Variants in MAP3K19 observed in about 807,000 individuals in gnomAD.
The protein encoded by MAP3K19 is SPS1/STE20-related protein kinase YSK4.
In MAP3K19, 91 loss-of-function variants were observed where a neutral mutation model predicts 114.4. The ratio of observed to expected loss-of-function variants is 0.80; its 90% CI spans 0.67 to 0.95. The LOEUF is 0.95. Ranked by LOEUF, MAP3K19 falls within the 40% of genes least tolerant of loss-of-function variation. The pLI is 0.00. For synonymous variants in MAP3K19, 518 were observed against 530.5 expected, an observed-to-expected ratio of 0.98 and a Z score of 0.32; for missense variants, 1,471 against 1,573.2, an observed-to-expected ratio of 0.94 and a Z score of 1.10.
At chr2:134,996,271 C>CTTT (rs61265758) in intron 8 of MAP3K19, among the ~76,000 whole-genome samples, 13 of 125,776 alleles carry the variant, frequency 1.0e-4, no homozygotes, top group East Asian at 2.4e-4. Flanking sequence ...CTTCTTATTT[C>CTTT]TTTTTTTTTT....
At chr2:135,011,406 G>A (rs1265968915) in intron 5 of MAP3K19, among the ~76,000 whole-genome samples, 1 of 151,712 alleles carries the variant, frequency 6.6e-6, no homozygotes, top group Non-Finnish European at 1.5e-5. Flanking sequence ...GCGTAGTGGC[G>A]GGCCCCTGCA....
At position 134,987,602 on chromosome 2, in the gene MAP3K19, T is replaced by A. The variant is rs749244581; in HGVS notation, c.1270A>T (p.Lys424Ter). 10 of 1,614,006 alleles carry A rather than the reference T, an allele frequency of 6.2e-6. No individual in the cohort carries two copies. In the Admixed American group the frequency reaches 1.5e-4, roughly 24 times the overall value. ...TTGTTTGGTTCCATTGCTTCATTTT[T>A]ATGTAATGAAACTCTTTTTGAAGCA... is the stretch of plus-strand genomic sequence containing the variant. ...KAASKRVSLH[K>*]NEAMEPNNIL... Residue 424 changes from lysine to a stop codon, truncating the protein, a stop_gained, in exon 10 of 13, where the codon AAA becomes TAA. Coordinates refer to ENST00000392915, the MANE Select transcript of MAP3K19 (RefSeq NM_025052.5). LOFTEE classifies it high-confidence loss of function.
In MAP3K19 at chr2:134,991,591, A is replaced by C. The variant is rs1166158100; in HGVS notation, c.575-11T>G. ...GAGAGGTCGAAAACTCTACAACAAGAAAAACAATAACTGGATATTCTTAGT... is the reference window on the plus strand; with the variant it reads ...GAGAGGTCGAAAACTCTACAACAAGCAAAACAATAACTGGATATTCTTAGT... On this transcript the variant is annotated splice_polypyrimidine_tract_variant and intron_variant, in intron 8 of 12. Coordinates refer to ENST00000392915, the MANE Select transcript of MAP3K19 (RefSeq NM_025052.5). 5 of 1,609,634 alleles carry C rather than the reference A, an allele frequency of 3.1e-6. No homozygotes were observed. The highest frequency in any genetic ancestry group is 4.3e-6 in the Non-Finnish European group (5 of 1,176,018).
intron 8 of MAP3K19, among the ~76,000 whole-genome samples, chr2:134,995,986 C>T (rs1465257856): frequency 6.6e-6 from 1 of 152,034 alleles, no homozygotes; most frequent in African/African-American, 2.4e-5. Flanking sequence ...GTCACCCAGG[C>T]TGGAGTGCAA....
At chr2:134,997,332 T>C (rs1162031187) in intron 8 of MAP3K19, among the ~76,000 whole-genome samples, 2 of 152,152 alleles carry the variant, frequency 1.3e-5, no homozygotes, top group Non-Finnish European at 2.9e-5. Flanking sequence ...CCAGAGGCTT[T>C]GGGAGAGTGG....
At position 134,987,043 on chromosome 2, in the gene MAP3K19, T is replaced by C; in HGVS notation, c.1829A>G (p.Lys610Arg). 6.2e-7 allele frequency: 1 copy of C among 1,613,106 alleles called. No homozygotes were observed. The change falls in exon 10 of 13, where the codon AAA becomes AGA. Residue 610 changes from lysine to arginine, a missense_variant. Physicochemically the swap from Lys to Arg is conservative, Grantham distance 26. Coordinates refer to ENST00000392915, the MANE Select transcript of MAP3K19 (RefSeq NM_025052.5). Reference sequence around the variant, plus strand: ...ACAGATGCAAGGAAATGATTGCTTTTTAGGTTTCTGAGTCCGGTGAGTTGA... The same window carrying C: ...ACAGATGCAAGGAAATGATTGCTTTCTAGGTTTCTGAGTCCGGTGAGTTGA... Reference protein sequence around the residue: ...KQSTHRTQKPKKQSFPCICKN... With the variant: ...KQSTHRTQKPRKQSFPCICKN...
At chr2:135,015,031 C>T (rs1292396800) in intron 5 of MAP3K19, among the ~76,000 whole-genome samples, 1 of 152,154 alleles carries the variant, frequency 6.6e-6, no homozygotes, top group East Asian at 1.9e-4. Flanking sequence ...TTATGGTAAA[C>T]ATATGATGCA....
chr2:135,005,606 T>C, intron 5 of MAP3K19, 75 bp from the exon 6 acceptor site: 1 of 1,099,472 alleles, frequency 9.1e-7, no homozygotes, highest in African/African-American at 1.5e-5. Context: ...TGAATGTTGA[T>C]TTTTCTGGGC....
chr2:135,033,485 G>A (rs1688442999), intron 2 of MAP3K19, among the ~76,000 whole-genome samples: 1 of 117,744 alleles, frequency 8.5e-6, no homozygotes, highest in Non-Finnish European at 1.6e-5. Context: ...GGGGCGGCTG[G>A]CCGGGCAGAG....
Position 134,979,057 on chromosome 2 carries a change from T to G in MAP3K19, c.3920+1764A>C, listed in dbSNP as rs536445505. The stretch of plus-strand genomic sequence containing the variant: ...AGACTTTCCCTAGTCTATGCCTGAT[T>G]ATCTCTATTTCTGAATCTTTAAGAG... On this transcript the variant is annotated intron_variant, in intron 12 of 12. Coordinates refer to ENST00000392915, the MANE Select transcript of MAP3K19 (RefSeq NM_025052.5). Among the ~76,000 whole-genome samples, 373 of 152,320 alleles carry G rather than the reference T, an allele frequency of 2.4e-3. 2 individuals are homozygous for G. Among genetic ancestry groups the G allele is most frequent in the African/African-American group, 8.6e-3 (358 of 41,558 alleles).
intron 5 of MAP3K19, among the ~76,000 whole-genome samples, chr2:135,019,550 G>A (rs1285599214): frequency 6.6e-6 from 1 of 152,208 alleles, no homozygotes; most frequent in African/African-American, 2.4e-5. Flanking sequence ...TAGTCAGGAG[G>A]CTGAGGTAGG....
chr2:134,983,576 C>T, intron 11 of MAP3K19, 100 bp downstream of exon 11: 1 of 811,766 alleles, frequency 1.2e-6, no homozygotes, highest in Non-Finnish European at 1.9e-6. Context: ...AGAGTGCTTG[C>T]CAGAGGAAGC....
chr2:134,999,894 CA>C lies in MAP3K19; in HGVS notation c.314+42del. 1.5e-6 allele frequency: 2 copies of C among 1,295,150 alleles called. No individual in the cohort carries two copies. The highest frequency in any genetic ancestry group is 2.2e-6 in the Non-Finnish European group (2 of 890,040). 80.2% of individuals were successfully genotyped at this position (1,295,150 alleles called of 1,614,324 possible). On this transcript the variant is annotated intron_variant, in intron 7 of 12. Coordinates refer to ENST00000392915, the MANE Select transcript of MAP3K19 (RefSeq NM_025052.5). The surrounding 1 kb of genome is among the most constrained non-coding windows in gnomAD (Gnocchi z 4.1). Reference sequence around the variant, plus strand: ...GGTTGCCATATGACTATCATTGCTTCATACTTCATTTCAAATCTGATACTTC... The same window carrying C: ...GGTTGCCATATGACTATCATTGCTTCTACTTCATTTCAAATCTGATACTTC...
chr2:134,996,464 AC>A (rs980275209), intron 8 of MAP3K19, among the ~76,000 whole-genome samples: 2 of 152,086 alleles, frequency 1.3e-5, no homozygotes, highest in Non-Finnish European at 2.9e-5. Flanking sequence ...GAACACGTAA[AC>A]AAATAGTGAC....
intron 5 of MAP3K19, among the ~76,000 whole-genome samples, chr2:135,021,313 T>C (rs1303827099): frequency 6.6e-6 from 1 of 152,066 alleles, no homozygotes; most frequent in African/African-American, 2.4e-5. Flanking sequence ...ATATGAGAGG[T>C]TGGCAATCTG....
At position 134,999,768 on chromosome 2, in the gene MAP3K19, GC is replaced by G. The variant is rs1686306494; in HGVS notation, c.314+168del. ...GAATCATCACAACAGAGACCATATGGCCCACACAGCCAAAGTGTTTATGATC... is the reference window on the plus strand; with the variant it reads ...GAATCATCACAACAGAGACCATATGGCCACACAGCCAAAGTGTTTATGATC... On this transcript the variant is annotated intron_variant, in intron 7 of 12. Coordinates refer to ENST00000392915, the MANE Select transcript of MAP3K19 (RefSeq NM_025052.5). The surrounding 1 kb of genome is among the most constrained non-coding windows in gnomAD (Gnocchi z 4.1). Among the ~76,000 whole-genome samples the G allele has an allele frequency of 6.6e-6, 1 of 152,140 alleles. No individual in the cohort carries two copies. Among genetic ancestry groups the G allele is most frequent in the Non-Finnish European group, 1.5e-5 (1 of 68,040 alleles).
chr2:135,027,346 A>AG (rs1491585170), intron 3 of MAP3K19, among the ~76,000 whole-genome samples: 1 of 146,222 alleles, frequency 6.8e-6, no homozygotes, highest in Admixed American at 6.7e-5. Context: ...AGAAAGAAAG[A>AG]AAGAGAGAAA....
At chr2:135,040,750 G>A (rs1574059979) in intron 1 of MAP3K19, among the ~76,000 whole-genome samples, 1 of 152,268 alleles carries the variant, frequency 6.6e-6, no homozygotes, top group African/African-American at 2.4e-5. Context: ...TGTACATGCT[G>A]AATTAGGAAG....
In MAP3K19 at chr2:134,986,284, T is replaced by A. The variant is rs1412046643; in HGVS notation, c.2588A>T (p.Asn863Ile). 1 of 1,614,070 alleles carries A rather than the reference T, an allele frequency of 6.2e-7. No homozygotes were observed. The highest frequency in any genetic ancestry group is 8.5e-7 in the Non-Finnish European group (1 of 1,180,002). ...EDSWAVPSEK[N>I]SNKYVQQEKQ... ...TTCTTGCTGTACATACTTGTTAGAA[T>A]TCTTCTCACTGGGCACTGCCCAGCT... Residue 863 changes from asparagine to isoleucine, a missense_variant, in exon 10 of 13, where the codon AAT becomes ATT. Physicochemically the swap from Asn to Ile is moderately radical, Grantham distance 149. Transcript: ENST00000392915.
Sources: gnomAD v4.1 joint callset for allele counts (sites outside exome capture counted in the v4.1 genomes callset) on GRCh38, gnomAD v4.1.1 for gene constraint, Gnocchi (gnomAD v3.1) non-coding constraint, MANE v1.5 for transcripts, NCBI Gene and HGNC (gene_info 2026-07-23, HGNC 2026-07-21) for gene names.